Variants in PER1 observed in about 807,000 individuals in gnomAD.
PER1 encodes the protein period circadian regulator 1.
Under a neutral mutation model 125.9 loss-of-function variants are expected in PER1, and 87 were observed. The ratio of observed to expected loss-of-function variants is 0.69; its 90% CI spans 0.58 to 0.83. The LOEUF (loss-of-function observed/expected upper bound fraction) is 0.83. Among genes scored for constraint, PER1 ranks in the 40% least tolerant of loss-of-function variants. The pLI, the probability that PER1 is intolerant of heterozygous loss-of-function variation, is 0.00. For synonymous variants in PER1, 801 were observed against 714.7 expected (o/e 1.12, Z -1.93); for missense variants, 1,775 against 1,722.8 (o/e 1.03, Z -0.54).
chr17:8,147,927 C>T, intron 10 of PER1, 70 bp downstream of exon 10: 3 of 1,583,120 alleles, frequency 1.9e-6, no homozygotes, highest in African/African-American at 2.7e-5. Context: ...CACCAAGAGA[C>T]ACAACCACAA....
intron 7 of PER1, 182 bp from the exon 8 acceptor site, chr17:8,148,968 C>A: frequency 1.5e-6 from 1 of 683,550 alleles, no homozygotes; most frequent in Non-Finnish European, 2.4e-6. Context: ...GCAGGCGGAT[C>A]ACCTGAGGTC....
chr17:8,141,758 GAACTTGAGCTCAATTC>G, intron 22 of PER1, 31 bp downstream of exon 22: 1 of 1,284,666 alleles, frequency 7.8e-7, no homozygotes, highest in Non-Finnish European at 1.0e-6. Context: ...TCTCCCCCTT[GAACTTGAGCTCAATTC>G]TTTTTTCTCC....
In PER1 at chr17:8,144,798, C is replaced by A; in HGVS notation, c.2414G>T (p.Arg805Leu). The change falls in exon 18 of 23, where the codon CGT becomes CTT. Residue 805 changes from arginine to leucine, a missense_variant. Physicochemically the swap from Arg to Leu is moderately radical, Grantham distance 102. Coordinates refer to ENST00000317276, the MANE Select transcript of PER1 (RefSeq NM_002616.3). ...AGCTGTGGAAGAGCTGTCGAGTCCA[C>A]GCAGCCTGCCCAGGTCTCGGAAGCG... ...LSRFRDLGRL[R>L]GLDSSSTAPS... The A allele has an allele frequency of 6.3e-7, 1 of 1,584,382 alleles. No individual in the cohort carries two copies. Among genetic ancestry groups the A allele is most frequent in the Non-Finnish European group, 8.6e-7 (1 of 1,165,204 alleles).
rs769247817 is a variant in PER1 at position 8,148,094 on chromosome 17, G to A, written c.1137C>T (p.Pro379=). The change falls in exon 10 of 23, where the codon CCC becomes CCT. Residue 379 remains proline (P), a synonymous_variant. Transcript: ENST00000317276. ...LFQDVDERAA[P]LLGYLPQDLL... ...GGTCCTGGGGCAGGTAGCCCAGCAG[G>A]GGGGCAGCCCTGAACGGGAAGGAGG... The A allele has an allele frequency of 2.5e-6, 4 of 1,612,422 alleles. No homozygotes were observed. The highest frequency in any genetic ancestry group is 2.5e-6 in the Non-Finnish European group (3 of 1,179,334).
In PER1 at chr17:8,149,434, G is replaced by A. The variant is rs373339655; in HGVS notation, c.853+28C>T. ...GCAGGAATTTCCTGGGACTGCTCAT[G>A]CCTCCCCACAGCGCTTGGGCACCTC... On this transcript the variant is annotated intron_variant, in intron 6 of 22. Coordinates refer to ENST00000317276, the MANE Select transcript of PER1 (RefSeq NM_002616.3). 67 of 1,609,084 alleles carry A rather than the reference G, an allele frequency of 4.2e-5. No individual in the cohort carries two copies. The highest frequency in any genetic ancestry group is 5.3e-5 in the Non-Finnish European group (62 of 1,176,068).
rs913324586 is a variant in PER1, at chr17:8,149,247, C to T, written c.905+12G>A. ...AAGGAGGCAGAGGTCTTCTCCAGTT[C>T]CCCTCACCTACCTGATACGGCAGAA... On this transcript the variant is annotated intron_variant, in intron 7 of 22. Coordinates refer to ENST00000317276, the MANE Select transcript of PER1 (RefSeq NM_002616.3). 6.2e-7 allele frequency: 1 copy of T among 1,611,102 alleles called. No individual in the cohort carries two copies. Among genetic ancestry groups the T allele is most frequent in the Non-Finnish European group, 8.5e-7 (1 of 1,177,998 alleles).
chr17:8,146,040 C>T lies in PER1; in HGVS notation c.2136G>A (p.Ala712=), dbSNP rs1246660093. ...TLSPLALANK[A]ESVVSVTSQC... The stretch of plus-strand genomic sequence containing the variant: ...GACTGGTGACGGACACCACACTCTC[C>T]GCCTTATTGGCCAGGGCGAGCGGGC... The change falls in exon 17 of 23, where the codon GCG becomes GCA. Residue 712 remains alanine, a synonymous_variant. Transcript: ENST00000317276. The T allele has an allele frequency of 3.1e-6, 5 of 1,613,948 alleles. No individual in the cohort carries two copies. The highest frequency in any genetic ancestry group is 4.2e-6 in the Non-Finnish European group (5 of 1,179,998).
chr17:8,148,767 G>A lies in PER1; in HGVS notation c.925C>T (p.Pro309Ser), dbSNP rs1190115930. 3 of 1,613,562 alleles carry A rather than the reference G, an allele frequency of 1.9e-6. No homozygotes were observed. Among genetic ancestry groups the A allele is most frequent in the Admixed American group, 1.7e-5 (1 of 59,886 alleles). Residue 309 changes from proline to serine, a missense_variant, in exon 8 of 23, where the codon CCA becomes TCA. Pro to Ser is a moderately conservative substitution (Grantham distance 74). Coordinates refer to ENST00000317276, the MANE Select transcript of PER1 (RefSeq NM_002616.3). ...CGGAATGGCTGGTACCGAGGCCCTG[G>A]ATCCCGGTCAGGACCTCCTCTAGCA... ...CRIRGGPDRD[P>S]GPRYQPFRLT...
chr17:8,148,475 C>T (rs948190777), intron 8 of PER1, among the ~76,000 whole-genome samples, 169 bp downstream of exon 8: 21 of 152,292 alleles, frequency 1.4e-4, no homozygotes, highest in Middle Eastern at 3.4e-3. Context: ...CTAGCTTGGG[C>T]ACCTTATTCA....
In PER1 at chr17:8,150,139, A is replaced by G; in HGVS notation, c.375-14T>C. ...GACTGTTCACTGCTGCGGGGCCCAC[A>G]GGGAAGAAAGAGATAAAGACATTAG... On this transcript the variant is annotated splice_polypyrimidine_tract_variant and intron_variant, in intron 3 of 22. Transcript: ENST00000317276. The G allele has an allele frequency of 1.2e-6, 2 of 1,612,978 alleles. No individual in the cohort carries two copies. The highest frequency in any genetic ancestry group is 1.3e-5 in the African/African-American group (1 of 75,002).
chr17:8,142,410 G>A lies in PER1; in HGVS notation c.3308C>T (p.Ser1103Phe). ...AGCAGCCCCAGCCTCAGCCTCGGAA[G>A]AGTCGATGCTGCCAAAGTATTTGCT... Reference protein sequence around the residue: ...HTSKYFGSIDSSEAEAGAARG... With the variant: ...HTSKYFGSIDFSEAEAGAARG... The change falls in exon 21 of 23, where the codon TCT (serine) becomes TTT (phenylalanine). Residue 1103 changes from serine (S) to phenylalanine (F), a missense_variant. Physicochemically the swap from Ser to Phe is radical, Grantham distance 155 (BLOSUM62 -2). Transcript: ENST00000317276. The A allele has an allele frequency of 6.2e-7, 1 of 1,607,180 alleles. No individual in the cohort carries two copies. The highest frequency in any genetic ancestry group is 1.3e-5 in the African/African-American group (1 of 74,694).
At chr17:8,147,071 T>C in intron 13 of PER1, 69 bp from the exon 14 acceptor site, 1 of 1,457,268 alleles carries the variant, frequency 6.9e-7, no homozygotes, top group South Asian at 1.2e-5. Context: ...AAGGGCACAA[T>C]AAAACAAGAA....
chr17:8,143,962 G>A (rs1982264181), intron 18 of PER1, 86 bp from the exon 19 acceptor site: 2 of 1,506,986 alleles, frequency 1.3e-6, no homozygotes, highest in Admixed American at 2.0e-5. Flanking sequence ...GCTGACCAGG[G>A]AGAGGACAGG....
Position 8,141,036 on chromosome 17 carries a change from A to C in PER1, c.*32T>G, listed in dbSNP as rs372252358. 1 of 1,582,816 alleles carries C rather than the reference A, an allele frequency of 6.3e-7. No homozygotes were observed. Among genetic ancestry groups the C allele is most frequent in the East Asian group, 2.2e-5 (1 of 44,522 alleles). Reference sequence around the variant, plus strand: ...GGGACATAGGAGAAGAAAGCCTCTCATGGACTCCTGGAGATGGTCCCAGAA... The same window carrying C: ...GGGACATAGGAGAAGAAAGCCTCTCCTGGACTCCTGGAGATGGTCCCAGAA... On this transcript the variant is annotated 3_prime_UTR_variant, in exon 23 of 23. Coordinates refer to ENST00000317276, the MANE Select transcript of PER1 (RefSeq NM_002616.3).
At position 8,141,847 on chromosome 17, in the gene PER1, G is replaced by A. The variant is rs376550432; in HGVS notation, c.3558C>T (p.Ser1186=). 98 of 1,614,024 alleles carry A rather than the reference G, an allele frequency of 6.1e-5. No homozygotes were observed. In the Middle Eastern group the frequency reaches 8.3e-4, roughly 14 times the overall value. The part of the protein sequence containing the change: ...DQRRELGAVH[S]WVRKGQLPRA... ...GAGGCAGTTGGCCCTTCCGGACCCA[G>A]GAGTGCACAGCACCCAGTTCCCGCC... Residue 1186 remains serine (S), a synonymous_variant, in exon 22 of 23, where the codon TCC becomes TCT. Transcript: ENST00000317276.
chr17:8,145,874 T>C, intron 17 of PER1, 84 bp downstream of exon 17: 8 of 1,461,116 alleles, frequency 5.5e-6, no homozygotes, highest in Non-Finnish European at 7.4e-6. Flanking sequence ...CATCAGGCCC[T>C]AGAGGGGAGG....
In PER1 at chr17:8,143,313, C is replaced by A. The variant is rs370901282; in HGVS notation, c.3025G>T (p.Gly1009Trp). 2 of 1,593,542 alleles carry A rather than the reference C, an allele frequency of 1.3e-6. No individual in the cohort carries two copies. The highest frequency in any genetic ancestry group is 2.2e-5 in the East Asian group (1 of 44,582). Residue 1009 changes from glycine to tryptophan, a missense_variant, in exon 19 of 23, where the codon GGG becomes TGG. Transcript: ENST00000317276. ...AVAGGPGSSA[G>W]PPPPSAEAAE... ...GCCTCCGCACTGGGAGGTGGGGGCCCGGCACTGCTCCCAGGGCCTCCTGCA... is the reference window on the plus strand; with the variant it reads ...GCCTCCGCACTGGGAGGTGGGGGCCAGGCACTGCTCCCAGGGCCTCCTGCA...
At position 8,141,072 on chromosome 17, in the gene PER1, C is replaced by T; in HGVS notation, c.3869G>A (p.Ser1290Asn). 6.2e-7 allele frequency: 1 copy of T among 1,611,392 alleles called. No individual in the cohort carries two copies. The highest frequency in any genetic ancestry group is 8.5e-7 in the Non-Finnish European group (1 of 1,178,222). Residue 1290 changes from serine to asparagine, a missense_variant, in exon 23 of 23, where the codon AGC becomes AAC. By Grantham distance (46) the Ser-to-Asn change is conservative. Coordinates refer to ENST00000317276, the MANE Select transcript of PER1 (RefSeq NM_002616.3). Reference sequence around the variant, plus strand: ...GAGATGGTCCCAGAATGGAGTCTAGCTGGTGCAGTTTCCTGCTGTAGGTAA... The same window carrying T: ...GAGATGGTCCCAGAATGGAGTCTAGTTGGTGCAGTTTCCTGCTGTAGGTAA... Reference protein sequence around the residue: ...PALPTAGNCTS With the variant: ...PALPTAGNCTN
At chr17:8,144,523 T>G (rs1376684758) in intron 18 of PER1, 1 of 544,938 alleles carries the variant, frequency 1.8e-6, no homozygotes, top group Non-Finnish European at 3.2e-6. Context: ...CACCTCTGCC[T>G]GCCCATCCCA....
Sources: allele counts gnomAD v4.1 joint callset (sites outside exome capture counted in the v4.1 genomes callset), GRCh38; gene constraint gnomAD v4.1.1; transcripts MANE v1.5; gene names NCBI Gene and HGNC (gene_info 2026-07-23, HGNC 2026-07-21).